HDAC5: variants seen among roughly 807,000 people sequenced by gnomAD.
HDAC5 encodes histone deacetylase 5, also known as antigen NY-CO-9.
Under a neutral mutation model 133.3 loss-of-function variants are expected in HDAC5, and 25 were observed. The observed-to-expected ratio is 0.19, with a 90% CI of 0.14 to 0.26. The LOEUF is 0.26. Among genes scored for constraint, HDAC5 ranks in the 10% least tolerant of loss-of-function variants. The pLI, the probability that HDAC5 is intolerant of heterozygous loss-of-function variation, is 1.00. For synonymous variants in HDAC5, 589 were observed against 610.8 expected, an observed-to-expected ratio of 0.96 and a Z score of 0.53; for missense variants, 1,041 against 1,460.5, an observed-to-expected ratio of 0.71 and a Z score of 4.68.
At chr17:44,099,632 G>A (rs1486635648) in intron 3 of HDAC5, among the ~76,000 whole-genome samples, 2 of 151,946 alleles carry the variant, frequency 1.3e-5, no homozygotes, top group Non-Finnish European at 2.9e-5. Flanking sequence ...CCGCCACCAC[G>A]CCCAGCTAAT....
Position 44,078,302 on chromosome 17 carries a change from G to A in HDAC5, c.*74C>T. 3 of 1,440,740 alleles carry A rather than the reference G, an allele frequency of 2.1e-6. No homozygotes were observed. In the Admixed American group the frequency reaches 8.5e-5, roughly 41 times the overall value. 89.2% of individuals were successfully genotyped at this position (1,440,740 alleles called of 1,614,324 possible). On this transcript the variant is annotated 3_prime_UTR_variant, in exon 27 of 27. Transcript: ENST00000682912. Reference sequence around the variant, plus strand: ...CCACACGGCACACCTTGTTGAATGTGTGACTTTTTGTTTTTAATAGAAAAA... The same window carrying A: ...CCACACGGCACACCTTGTTGAATGTATGACTTTTTGTTTTTAATAGAAAAA...
intron 23 of HDAC5, 66 bp from the exon 24 acceptor site, chr17:44,079,343 T>C (rs2050268540): frequency 6.5e-7 from 1 of 1,542,946 alleles, no homozygotes. Context: ...CAAGAGCCAG[T>C]AAGAGGAGAG....
rs2050149718 is a variant in HDAC5, at chr17:44,076,903, C to A, written c.*1473G>T. 6.3e-6 allele frequency: 1 copy of A among 157,804 alleles called. No homozygotes were observed. Among genetic ancestry groups the A allele is most frequent in the South Asian group, 1.9e-4 (1 of 5,310 alleles). The allele number at this position is 157,804 out of a possible 1,614,324, so 9.8% of individuals were successfully genotyped here. On this transcript the variant is annotated 3_prime_UTR_variant, in exon 27 of 27. Coordinates refer to ENST00000682912, the MANE Select transcript of HDAC5 (RefSeq NM_005474.5). ...CACAGGGAGAGAGTGGGTAAGGGGC[C>A]GGGAGCCTGGGGCTCAGCACAGAGA...
In HDAC5 at chr17:44,080,170, C is replaced by T. The variant is rs1258095779; in HGVS notation, c.2881G>A (p.Ala961Thr). ...TGTCCTTCAACAGCATCAAACCCGG[C>T]GGAGACTAGGACCACATCAGGTGAG... The part of the protein sequence containing the change: ...EFSPDVVLVS[A>T]GFDAVEGHLS... Residue 961 changes from alanine to threonine, a missense_variant, in exon 23 of 27, where the codon GCC (alanine) becomes ACC (threonine). Ala to Thr is a moderately conservative substitution (Grantham distance 58, BLOSUM62 0). This residue lies in a region of HDAC5 where 174 missense variants were observed against 352.7 expected (regional missense o/e 0.49). Transcript: ENST00000682912. The T allele has an allele frequency of 1.2e-6, 2 of 1,614,130 alleles. No individual in the cohort carries two copies.
chr17:44,113,798 G>A (rs183596843), intron 2 of HDAC5, among the ~76,000 whole-genome samples: 2 of 152,218 alleles, frequency 1.3e-5, no homozygotes, highest in South Asian at 2.1e-4. Context: ...CAAAGGCTGT[G>A]GGGATGGGGG....
chr17:44,092,760 C>T lies in HDAC5; in HGVS notation c.688G>A (p.Gly230Ser), dbSNP rs775168585. The T allele has an allele frequency of 2.9e-6, 4 of 1,357,040 alleles. No homozygotes were observed. Among genetic ancestry groups the T allele is most frequent in the African/African-American group, 1.5e-5 (1 of 65,392 alleles). The allele number at this position is 1,357,040 out of a possible 1,614,324, so 84.1% of individuals were successfully genotyped here. A position where few individuals can be genotyped will look rare whatever the true frequency, so the allele number is the denominator to read the frequency against. Residue 230 changes from glycine to serine, a missense_variant, in exon 7 of 27, where the codon GGC becomes AGC. Coordinates refer to ENST00000682912, the MANE Select transcript of HDAC5 (RefSeq NM_005474.5). Reference sequence around the variant, plus strand: ...TAGGAGGGAGGCGTCCCAGGGGGGCCGCTCTGGGGAGGGGAACTCTGGTCC... The same window carrying T: ...TAGGAGGGAGGCGTCCCAGGGGGGCTGCTCTGGGGAGGGGAACTCTGGTCC... ...SLDQSSPPQS[G>S]PPGTPPSYKL...
At chr17:44,078,965 TC>T (rs2050249864) in intron 24 of HDAC5, 86 bp from the exon 25 acceptor site, 2 of 1,528,664 alleles carry the variant, frequency 1.3e-6, no homozygotes, top group African/African-American at 2.7e-5. Flanking sequence ...GCCCCAGATA[TC>T]CCTCACAACA....
intron 3 of HDAC5, among the ~76,000 whole-genome samples, chr17:44,107,607 C>CAAAAA (rs61428400): frequency 1.1e-5 from 1 of 88,694 alleles, no homozygotes; most frequent in Non-Finnish European, 2.1e-5. Context: ...GACTCCGTAT[C>CAAAAA]AAAAAAAAAA....
chr17:44,102,848 A>G (rs2051702476), intron 3 of HDAC5, among the ~76,000 whole-genome samples: 1 of 151,380 alleles, frequency 6.6e-6, no homozygotes, highest in Non-Finnish European at 1.5e-5. Flanking sequence ...TTGTATTCTT[A>G]GTAGAGACAG....
intron 15 of HDAC5, 116 bp downstream of exon 15, chr17:44,084,906 C>G: frequency 7.2e-7 from 1 of 1,396,210 alleles, no homozygotes. Flanking sequence ...GGAGAACTGG[C>G]CCCGAAGTCT....
Position 44,083,617 on chromosome 17 carries a change from G to A in HDAC5, c.2391C>T (p.Ser797=), listed in dbSNP as rs140231464. Residue 797 remains serine (S), a synonymous_variant, in exon 18 of 27, where the codon TCC becomes TCT. Coordinates refer to ENST00000682912, the MANE Select transcript of HDAC5 (RefSeq NM_005474.5). ...CCACTGCCATGCGCACAGCACTGGA[G>A]GAGTGCATCTCATTCCACACGGTGT... ...DSDTVWNEMH[S]SSAVRMAVGC... The A allele has an allele frequency of 8.0e-5, 129 of 1,614,130 alleles. No homozygotes were observed. The African/African-American group carries it at 1.5e-3, about 19-fold the overall frequency.
chr17:44,086,678 C>T lies in HDAC5; in HGVS notation c.1944G>A (p.Leu648=). The change falls in exon 14 of 27, where the codon CTG becomes CTA. Residue 648 remains leucine (L), a synonymous_variant. Transcript: ENST00000682912. ...PLQVYQAPLS[L]ATVPHQALGR... ...CCAGGGCCTGGTGGGGCACAGTGGCCAGGCTGAGGGGCGCCTGGTACACCT... is the reference window on the plus strand; with the variant it reads ...CCAGGGCCTGGTGGGGCACAGTGGCTAGGCTGAGGGGCGCCTGGTACACCT... 1 of 1,300,358 alleles carries T rather than the reference C, an allele frequency of 7.7e-7. No individual in the cohort carries two copies. The highest frequency in any genetic ancestry group is 2.8e-5 in the East Asian group (1 of 35,286). 80.6% of individuals were successfully genotyped at this position (1,300,358 alleles called of 1,614,324 possible).
chr17:44,100,505 C>G (rs1002191790), intron 3 of HDAC5, among the ~76,000 whole-genome samples: 1 of 146,004 alleles, frequency 6.8e-6, no homozygotes, highest in Admixed American at 7.1e-5. Context: ...GAGGCCAAGG[C>G]GGGCAGATCA....
chr17:44,092,765 T>TG lies in HDAC5; in HGVS notation c.682dup (p.Gln228ProfsTer33). On this transcript the variant is annotated frameshift_variant, in exon 7 of 27. Transcript: ENST00000682912. LOFTEE classifies it high-confidence loss of function. The stretch of plus-strand genomic sequence containing the variant: ...GGGAGGCGTCCCAGGGGGGCCGCTC[T>TG]GGGGAGGGGAACTCTGGTCCAAAGA... 1 of 924,516 alleles carries TG rather than the reference T, an allele frequency of 1.1e-6. No homozygotes were observed. The highest frequency in any genetic ancestry group is 1.3e-6 in the Non-Finnish European group (1 of 741,266). 57.3% of individuals were successfully genotyped at this position (924,516 alleles called of 1,614,324 possible). A position where few individuals can be genotyped will look rare whatever the true frequency, so the allele number is the denominator to read the frequency against.
At chr17:44,081,576 C>T (rs56274746) in intron 20 of HDAC5, 1 of 140,616 alleles carries the variant, frequency 7.1e-6, no homozygotes, top group African/African-American at 2.6e-5. Context: ...TTTTTCTTTT[C>T]TTTCTTTTTT....
At chr17:44,098,017 C>A (rs901169675) in intron 3 of HDAC5, among the ~76,000 whole-genome samples, 1 of 152,256 alleles carries the variant, frequency 6.6e-6, no homozygotes, top group Non-Finnish European at 1.5e-5. Flanking sequence ...ACAGGAAGCA[C>A]AGGCGACTCC....
At chr17:44,123,382 G>T (rs369879103) in intron 1 of HDAC5, 122 bp downstream of exon 1, 6 of 339,944 alleles carry the variant, frequency 1.8e-5, no homozygotes, top group Admixed American at 4.8e-5. Flanking sequence ...AGGAAGGAAG[G>T]GGGGCGCGGA....
In HDAC5 at chr17:44,117,563, G is replaced by T. The variant is rs370734419; in HGVS notation, c.-48C>A. ...GCTGGCGTTGGGGGCTGGGACGGGAGGGGGTGGAGCTGCGGTGATGTCAAG... is the reference window on the plus strand; with the variant it reads ...GCTGGCGTTGGGGGCTGGGACGGGATGGGGTGGAGCTGCGGTGATGTCAAG... On this transcript the variant is annotated 5_prime_UTR_variant, in exon 2 of 27. Coordinates refer to ENST00000682912, the MANE Select transcript of HDAC5 (RefSeq NM_005474.5). This position sits in a 1 kb window ranked among gnomAD's most constrained non-coding sequence, Gnocchi z 4.2. 5 of 1,604,864 alleles carry T rather than the reference G, an allele frequency of 3.1e-6. No homozygotes were observed. Among genetic ancestry groups the T allele is most frequent in the Non-Finnish European group, 3.4e-6 (4 of 1,174,036 alleles).
At chr17:44,120,324 C>G (rs1283402413) in intron 1 of HDAC5, 1 of 152,246 alleles carries the variant, frequency 6.6e-6, no homozygotes, top group Non-Finnish European at 1.5e-5. Context: ...CAACCCCCTC[C>G]CAACACACCT....
Sources: gnomAD v4.1 joint callset for allele counts (sites outside exome capture counted in the v4.1 genomes callset) on GRCh38, gnomAD v4.1.1 for gene constraint, gnomAD v4.1.1 regional missense constraint, Gnocchi (gnomAD v3.1) non-coding constraint, MANE v1.5 for transcripts, NCBI Gene and HGNC (gene_info 2026-07-23, HGNC 2026-07-21) for gene names.